SCTR: variants seen among roughly 807,000 people sequenced by gnomAD.
The protein encoded by SCTR is pancreatic secretin receptor.
Under a neutral mutation model 60.8 loss-of-function variants are expected in SCTR, and 56 were observed. The observed-to-expected ratio is 0.92, with a 90% confidence interval of 0.74 to 1.15. SCTR has a LOEUF of 1.15. Among genes scored for constraint, SCTR ranks in the 50% most tolerant of loss-of-function variants. SCTR has a pLI of 0.00. For synonymous variants in SCTR, 202 were observed against 217.0 expected, an observed-to-expected ratio of 0.93 and a Z score of 0.61; for missense variants, 562 against 550.4, an observed-to-expected ratio of 1.02 and a Z score of -0.21.
intron 1 of SCTR, among the ~76,000 whole-genome samples, chr2:119,516,382 G>T (rs1679117651): frequency 6.6e-6 from 1 of 152,138 alleles, no homozygotes; most frequent in African/African-American, 2.4e-5. Context: ...ATGCCAGTCA[G>T]CTTTAAAAAA....
chr2:119,517,190 C>T (rs1392936290), intron 1 of SCTR, among the ~76,000 whole-genome samples: 1 of 151,494 alleles, frequency 6.6e-6, no homozygotes, highest in Non-Finnish European at 1.5e-5. Context: ...GACGGAGTCT[C>T]ACTCTTTCAC....
chr2:119,462,315 G>A (rs1042831994), intron 6 of SCTR, among the ~76,000 whole-genome samples: 1 of 152,206 alleles, frequency 6.6e-6, no homozygotes, highest in African/African-American at 2.4e-5. Context: ...CTACAGAACT[G>A]TGTCGGATAC....
chr2:119,456,265 G>C (rs1314120513), intron 7 of SCTR, among the ~76,000 whole-genome samples: 1 of 151,864 alleles, frequency 6.6e-6, no homozygotes, highest in Non-Finnish European at 1.5e-5. Context: ...TCAACACGTT[G>C]GCCAGGATGG....
Position 119,440,104 on chromosome 2 carries a change from C to T in SCTR, c.*13G>A. 6.2e-7 allele frequency: 1 copy of T among 1,612,168 alleles called. No homozygotes were observed. Among genetic ancestry groups the T allele is most frequent in the Non-Finnish European group, 8.5e-7 (1 of 1,179,064 alleles). The stretch of plus-strand genomic sequence containing the variant: ...TCTTGGTCTCTGTCCGTGGGTGACC[C>T]TGCTCCAGCCTCTCAGATGATGCTG... On this transcript the variant is annotated 3_prime_UTR_variant, in exon 13 of 13. Transcript: ENST00000019103.
At chr2:119,464,029 TGG>T in intron 6 of SCTR, 92 bp downstream of exon 6, 1 of 1,347,356 alleles carries the variant, frequency 7.4e-7, no homozygotes, top group Non-Finnish European at 1.1e-6. Flanking sequence ...AGCAGGGGCT[TGG>T]GGGAAGGACA....
intron 1 of SCTR, among the ~76,000 whole-genome samples, chr2:119,497,310 C>T (rs772175583): frequency 1.3e-5 from 2 of 150,848 alleles, no homozygotes; most frequent in Non-Finnish European, 2.9e-5. Flanking sequence ...TTCACCTGGT[C>T]ATAAGAAGGG....
rs1678984504 is a variant in SCTR, at chr2:119,512,389, CCTTCTCCTT to C, written c.72+11757_72+11765del. On this transcript the variant is annotated intron_variant, in intron 1 of 12. Coordinates refer to ENST00000019103, the MANE Select transcript of SCTR (RefSeq NM_002980.3). ...TCCTTCTCCTTCTCCTTCTCCTTCT[CCTTCTCCTT>C]CTTCTTCTTTCTTTTTGAGATGGAG... Among the ~76,000 whole-genome samples, 3 of 99,220 alleles carry C rather than the reference CCTTCTCCTT, an allele frequency of 3.0e-5. No homozygotes were observed. In the South Asian group the frequency reaches 1.1e-3, roughly 37 times the overall value. 65.1% of individuals were successfully genotyped at this position (99,220 alleles called of 152,430 possible).
chr2:119,503,489 T>C (rs536613328), intron 1 of SCTR, among the ~76,000 whole-genome samples: 297 of 152,282 alleles, frequency 2.0e-3, no homozygotes, highest in African/African-American at 6.9e-3. Flanking sequence ...TGAGCCATGA[T>C]AGCACTACTG....
chr2:119,518,983 T>C (rs930220397), intron 1 of SCTR, among the ~76,000 whole-genome samples: 2 of 152,150 alleles, frequency 1.3e-5, no homozygotes, highest in African/African-American at 2.4e-5. Flanking sequence ...CCCTTTTTTT[T>C]TGAGACGGAG....
chr2:119,493,491 A>G (rs1218717635), intron 2 of SCTR, among the ~76,000 whole-genome samples: 1 of 152,216 alleles, frequency 6.6e-6, no homozygotes, highest in Non-Finnish European at 1.5e-5. Context: ...TAAAGTTAAC[A>G]TTTAAATATA....
At chr2:119,451,951 C>A in intron 9 of SCTR, 59 bp downstream of exon 9, 1 of 1,060,796 alleles carries the variant, frequency 9.4e-7, no homozygotes. Flanking sequence ...CCCCTGTGGG[C>A]TGGTCACCAT....
chr2:119,494,386 T>C, intron 2 of SCTR, 42 bp downstream of exon 2: 1 of 1,603,286 alleles, frequency 6.2e-7, no homozygotes, highest in Non-Finnish European at 8.5e-7. Flanking sequence ...CCGGACATGC[T>C]CCACCCCCAA....
At chr2:119,478,762 AG>A (rs761922468) in intron 3 of SCTR, 48 bp downstream of exon 3, 6 of 1,586,228 alleles carry the variant, frequency 3.8e-6, no homozygotes, top group Non-Finnish European at 4.3e-6. Context: ...CCCCACCCAG[AG>A]GGACACCCCT....
chr2:119,454,495 C>T (rs1683295353), intron 7 of SCTR, among the ~76,000 whole-genome samples: 1 of 152,018 alleles, frequency 6.6e-6, no homozygotes, highest in Non-Finnish European at 1.5e-5. Flanking sequence ...GTGGCTGGTC[C>T]CTACTGAGTT....
At chr2:119,484,202 C>T (rs1028443817) in intron 2 of SCTR, among the ~76,000 whole-genome samples, 2 of 152,086 alleles carry the variant, frequency 1.3e-5, no homozygotes, top group Admixed American at 1.3e-4. Flanking sequence ...GAGGGGTCAC[C>T]GCCCCAGGAG....
intron 1 of SCTR, among the ~76,000 whole-genome samples, chr2:119,522,896 C>G (rs890938388): frequency 6.6e-6 from 1 of 152,212 alleles, no homozygotes; most frequent in Non-Finnish European, 1.5e-5. Context: ...CCAAGGCCAG[C>G]ACTGCCACTG....
intron 1 of SCTR, among the ~76,000 whole-genome samples, chr2:119,495,139 A>T (rs951958752): frequency 2.6e-5 from 4 of 152,072 alleles, no homozygotes; most frequent in African/African-American, 9.7e-5. Context: ...AAATGCAAAC[A>T]CACACACACA....
At chr2:119,459,683 T>C (rs1478409684) in intron 7 of SCTR, among the ~76,000 whole-genome samples, 3 of 152,082 alleles carry the variant, frequency 2.0e-5, no homozygotes, top group Admixed American at 6.6e-5. Flanking sequence ...TGGCGTACAG[T>C]AGATGCTCCA....
intron 1 of SCTR, among the ~76,000 whole-genome samples, chr2:119,507,276 T>C (rs1049317336): frequency 2.0e-4 from 30 of 152,328 alleles, no homozygotes; most frequent in African/African-American, 6.0e-4. Context: ...AAGACAAACT[T>C]ATATGTACAG....
Sources: allele counts gnomAD v4.1 joint callset (sites outside exome capture counted in the v4.1 genomes callset), GRCh38; gene constraint gnomAD v4.1.1; transcripts MANE v1.5; gene names NCBI Gene and HGNC (gene_info 2026-07-23, HGNC 2026-07-21).